The following MGAT4C variants were observed in gnomAD, a reference collection of about 807,000 sequenced individuals.
MGAT4C encodes the protein alpha-1,3-mannosyl-glycoprotein 4-beta-N-acetylglucosaminyltransferase C.
In MGAT4C, 19 loss-of-function variants were observed where a neutral mutation model predicts 40.1. The observed-to-expected ratio is 0.47, with a 90% CI of 0.33 to 0.70. The LOEUF is 0.70. Ranked by LOEUF, MGAT4C falls within the 30% of genes least tolerant of loss-of-function variation. The probability of loss-of-function intolerance (pLI) is 0.02; values close to 1 mark genes in which losing one functional copy is unlikely to be tolerated. For missense variants in MGAT4C, 491 were observed against 563.2 expected (o/e 0.87, Z 1.30); for synonymous variants, 181 against 187.1 (o/e 0.97, Z 0.27).
chr12:86,486,378 A>ACACG (rs1958019716), intron 2 of MGAT4C, among the ~76,000 whole-genome samples: 1 of 18,806 alleles, frequency 5.3e-5, no homozygotes, highest in Admixed American at 6.5e-4. Flanking sequence ...TCTATCATGC[A>ACACG]CACACACACA....
At chr12:86,511,626 G>T (rs370149581) in intron 2 of MGAT4C, among the ~76,000 whole-genome samples, 2 of 150,966 alleles carry the variant, frequency 1.3e-5, no homozygotes, top group Admixed American at 1.3e-4. Flanking sequence ...ATCTTTGATC[G>T]GGGGCTAAGA....
At position 86,303,555 on chromosome 12, in the gene MGAT4C, C is replaced by T. The variant is rs576581054; in HGVS notation, c.-57+30510G>A. 5.7e-4 allele frequency among the ~76,000 whole-genome samples: 47 copies of T among 82,244 alleles called. 1 individual carries two copies. In the East Asian group the frequency reaches 0.016, roughly 28 times the overall value. The allele number at this position is 82,244 out of a possible 152,430, so 54.0% of individuals were successfully genotyped here. A position where few individuals can be genotyped will look rare whatever the true frequency, so the allele number is the denominator to read the frequency against. On this transcript the variant is annotated intron_variant, in intron 4 of 7. Transcript: ENST00000548651. ...AACTTGGAGAATGATTGAAGGAAGA[C>T]ACTTAAAAAAAAAAGAATAAAACTA...
chr12:86,754,775 G>T (rs1951274379), intron 1 of MGAT4C, among the ~76,000 whole-genome samples: 1 of 152,036 alleles, frequency 6.6e-6, no homozygotes, highest in South Asian at 2.1e-4. Context: ...AATTAGTGAT[G>T]TTTTGATCAA....
At chr12:86,197,709 C>A (rs1013510479) in intron 1 of MGAT4C, among the ~76,000 whole-genome samples, 3 of 152,064 alleles carry the variant, frequency 2.0e-5, no homozygotes, top group Non-Finnish European at 4.4e-5. Context: ...CAGATAGATA[C>A]GTAGATATAT....
In MGAT4C at chr12:86,298,845, C is replaced by G. The variant is rs370800635; in HGVS notation, c.-57+35220G>C. On this transcript the variant is annotated intron_variant, in intron 4 of 7. Transcript: ENST00000548651. ...CTCAACAGTCCAGCAGTTAGTATAT[C>G]TATACCAATCACTCAATAAGTGGTT... Among the ~76,000 whole-genome samples, 9 of 152,074 alleles carry G rather than the reference C, an allele frequency of 5.9e-5. No homozygotes were observed. The East Asian group carries it at 1.7e-3, about 29-fold the overall frequency.
chr12:86,179,410 A>G (rs1451531302), intron 1 of MGAT4C, among the ~76,000 whole-genome samples: 1 of 152,182 alleles, frequency 6.6e-6, no homozygotes, highest in African/African-American at 2.4e-5. Context: ...AAGATAACTG[A>G]AAATGTGGAA....
intron 1 of MGAT4C, among the ~76,000 whole-genome samples, chr12:86,079,015 C>T (rs1870325037): frequency 6.6e-6 from 1 of 152,094 alleles, no homozygotes; most frequent in Admixed American, 6.5e-5. Context: ...AAAATTAGAC[C>T]TAGACGAGAA....
intron 1 of MGAT4C, among the ~76,000 whole-genome samples, chr12:86,124,154 CA>C (rs1879881921): frequency 1.3e-5 from 2 of 152,200 alleles, no homozygotes; most frequent in South Asian, 4.2e-4. Flanking sequence ...TTTAAAAATA[CA>C]ACCTCTGAAT....
At chr12:86,616,895 CCTTTCA>C (rs1962468907) in intron 2 of MGAT4C, among the ~76,000 whole-genome samples, 1 of 151,968 alleles carries the variant, frequency 6.6e-6, no homozygotes, top group Admixed American at 6.6e-5. Context: ...GGGACAGAAG[CCTTTCA>C]CTTTTAGTCC....
chr12:86,433,399 C>T lies in MGAT4C; in HGVS notation c.-120+1758G>A, dbSNP rs533029742. Among the ~76,000 whole-genome samples, 17 of 151,714 alleles carry T rather than the reference C, an allele frequency of 1.1e-4. No homozygotes were observed. In the South Asian group the frequency reaches 2.5e-3, roughly 22 times the overall value. On this transcript the variant is annotated intron_variant, in intron 3 of 7. Transcript: ENST00000548651. ...AAGGATTTTCTTTCTGTCTGAGATTCGCTTAAAAGTTGGAAAGATATAAAC... is the reference window on the plus strand; with the variant it reads ...AAGGATTTTCTTTCTGTCTGAGATTTGCTTAAAAGTTGGAAAGATATAAAC...
At chr12:86,628,629 T>A (rs1412465831) in intron 2 of MGAT4C, among the ~76,000 whole-genome samples, 1 of 152,106 alleles carries the variant, frequency 6.6e-6, no homozygotes, top group Non-Finnish European at 1.5e-5. Flanking sequence ...ACCCAGAATT[T>A]CATATACACC....
chr12:86,042,179 AT>A (rs1891925264), intron 2 of MGAT4C, among the ~76,000 whole-genome samples: 1 of 152,174 alleles, frequency 6.6e-6, no homozygotes, highest in South Asian at 2.1e-4. Flanking sequence ...TTCTCCATCC[AT>A]TAACTTTAAT....
At chr12:86,206,751 T>G (rs571610602) in intron 1 of MGAT4C, among the ~76,000 whole-genome samples, 1 of 152,170 alleles carries the variant, frequency 6.6e-6, no homozygotes, top group Admixed American at 6.5e-5. Context: ...GTGAAAGGTA[T>G]GAGGTATTCA....
At chr12:86,327,485 G>A (rs1238631835) in intron 4 of MGAT4C, among the ~76,000 whole-genome samples, 1 of 151,954 alleles carries the variant, frequency 6.6e-6, no homozygotes, top group East Asian at 1.9e-4. Flanking sequence ...TGTAAACCTG[G>A]TGTTCTTTGA....
chr12:86,469,360 A>C (rs551477325), intron 2 of MGAT4C, among the ~76,000 whole-genome samples: 1 of 152,228 alleles, frequency 6.6e-6, no homozygotes, highest in Admixed American at 6.5e-5. Flanking sequence ...TTGAGTTATG[A>C]AAGACTGCGA....
intron 3 of MGAT4C, among the ~76,000 whole-genome samples, chr12:86,427,163 C>T (rs998407732): frequency 7.9e-5 from 12 of 152,042 alleles, no homozygotes; most frequent in Non-Finnish European, 1.0e-4. Context: ...GTGTGTGTTT[C>T]CCTAAGAGGG....
intron 1 of MGAT4C, among the ~76,000 whole-genome samples, chr12:86,137,960 G>C (rs1482705682): frequency 6.6e-6 from 1 of 152,138 alleles, no homozygotes; most frequent in Non-Finnish European, 1.5e-5. Flanking sequence ...CTTGCCTAAG[G>C]AAGCAGGCTA....
intron 3 of MGAT4C, among the ~76,000 whole-genome samples, chr12:86,429,556 C>T (rs940214198): frequency 3.9e-5 from 6 of 152,032 alleles, no homozygotes; most frequent in Non-Finnish European, 5.9e-5. Flanking sequence ...ATGGTTGTCA[C>T]GTTTTTTGTT....
intron 3 of MGAT4C, among the ~76,000 whole-genome samples, chr12:86,424,749 A>G (rs927545389): frequency 3.3e-5 from 5 of 152,134 alleles, no homozygotes; most frequent in East Asian, 3.9e-4. Context: ...AGGAGGTACT[A>G]CTAAAAATAT....
Sources: gnomAD v4.1 joint callset for allele counts (sites outside exome capture counted in the v4.1 genomes callset) on GRCh38, gnomAD v4.1.1 for gene constraint, MANE v1.5 for transcripts, NCBI Gene and HGNC (gene_info 2026-07-23, HGNC 2026-07-21) for gene names.